The following OSBPL8 variants were observed in gnomAD, a reference collection of about 807,000 sequenced individuals.
OSBPL8 encodes the protein oxysterol binding protein like 8.
In OSBPL8, 59 loss-of-function variants were observed where a neutral mutation model predicts 125.5. The observed-to-expected ratio is 0.47, with a 90% CI of 0.38 to 0.58. The LOEUF (loss-of-function observed/expected upper bound fraction) is 0.58, where lower values mean the gene tolerates loss of function less well. Among genes scored for constraint, OSBPL8 ranks in the 20% least tolerant of loss-of-function variants. The pLI, the probability that OSBPL8 is intolerant of heterozygous loss-of-function variation, is 0.00. For synonymous variants in OSBPL8, 330 were observed against 338.9 expected (o/e 0.97, Z 0.29); for missense variants, 758 against 1,047.8 (o/e 0.72, Z 3.82).
At chr12:76,449,042 C>A (rs1298779759) in intron 4 of OSBPL8, among the ~76,000 whole-genome samples, 1 of 151,978 alleles carries the variant, frequency 6.6e-6, no homozygotes, top group East Asian at 1.9e-4. Flanking sequence ...AGAAAATGAT[C>A]ATGTAACTTA....
At chr12:76,408,334 C>T (rs1367192200) in intron 5 of OSBPL8, among the ~76,000 whole-genome samples, 1 of 149,168 alleles carries the variant, frequency 6.7e-6, no homozygotes, top group Non-Finnish European at 1.5e-5. Flanking sequence ...TGGTGGCGGG[C>T]GCCTGTAGTC....
At chr12:76,410,703 GTA>G in intron 4 of OSBPL8, 69 bp from the exon 5 acceptor site, 1 of 1,064,928 alleles carries the variant, frequency 9.4e-7, no homozygotes, top group South Asian at 1.3e-5. Context: ...TCATTTTCAA[GTA>G]TAGACTATAT....
intron 1 of OSBPL8, among the ~76,000 whole-genome samples, chr12:76,535,002 T>A (rs1355199347): frequency 1.3e-5 from 2 of 151,748 alleles, no homozygotes; most frequent in African/African-American, 4.8e-5. Context: ...TCAAAATGAA[T>A]CACAAATCTA....
chr12:76,368,585 C>A (rs1020791280), intron 21 of OSBPL8, among the ~76,000 whole-genome samples: 3 of 152,072 alleles, frequency 2.0e-5, no homozygotes, highest in African/African-American at 7.2e-5. Context: ...TCACTTCATT[C>A]ATTTTTCTTT....
At chr12:76,464,492 C>CTA (rs1875150285) in intron 2 of OSBPL8, among the ~76,000 whole-genome samples, 1 of 152,104 alleles carries the variant, frequency 6.6e-6, no homozygotes, top group Non-Finnish European at 1.5e-5. Context: ...TAATTTTAGT[C>CTA]TATAAATCTC....
chr12:76,550,402 A>G lies in OSBPL8; in HGVS notation c.-68+8995T>C, dbSNP rs1427345308. ...ATACTTACACAGTCATGGTATCAAC[A>G]CTATTTATTGGTTTTCATAATTTAG... On this transcript the variant is annotated intron_variant, in intron 1 of 23. Transcript: ENST00000261183. Among the ~76,000 whole-genome samples the G allele has an allele frequency of 3.3e-5, 5 of 152,172 alleles. No individual in the cohort carries two copies. In the East Asian group the frequency reaches 7.7e-4, roughly 23 times the overall value.
rs960067642 is a variant in OSBPL8, at chr12:76,487,452, A to T, written c.42+58T>A. On this transcript the variant is annotated intron_variant, in intron 2 of 23. Coordinates refer to ENST00000261183, the MANE Select transcript of OSBPL8 (RefSeq NM_020841.5). ...TATTTTAAAAACAAAACCCTAGCTT[A>T]CATCAAACACTTCACAGTTACAGAT... 14 of 1,424,638 alleles carry T rather than the reference A, an allele frequency of 9.8e-6. No homozygotes were observed. The African/African-American group carries it at 1.3e-4, about 14-fold the overall frequency. The allele number at this position is 1,424,638 out of a possible 1,614,324, so 88.2% of individuals were successfully genotyped here.
chr12:76,358,713 T>G lies in OSBPL8; in HGVS notation c.2427A>C (p.Gly809=). 6.2e-7 allele frequency: 1 copy of G among 1,608,268 alleles called. No individual in the cohort carries two copies. ...TGCAATAAATATTTTTACCTTCACT[T>G]CCAGAGGAGTCTTGAATGTCAGGTT... The part of the protein sequence containing the change: ...SPEPDIQDSS[G]SEAQSVKPST... Residue 809 remains glycine, a synonymous_variant, in exon 22 of 24, where the codon GGA becomes GGC. Coordinates refer to ENST00000261183, the MANE Select transcript of OSBPL8 (RefSeq NM_020841.5).
chr12:76,503,400 G>A (rs893721982), intron 1 of OSBPL8, among the ~76,000 whole-genome samples: 5 of 152,206 alleles, frequency 3.3e-5, no homozygotes, highest in African/African-American at 7.2e-5. Context: ...TACTGAATTC[G>A]GGTCCACCCT....
chr12:76,444,543 G>A (rs996184285), intron 4 of OSBPL8, among the ~76,000 whole-genome samples: 1 of 152,224 alleles, frequency 6.6e-6, no homozygotes. Flanking sequence ...GGGAAACAGT[G>A]AAGAAAGCTA....
intron 1 of OSBPL8, among the ~76,000 whole-genome samples, chr12:76,502,595 G>A (rs1290027250): frequency 1.3e-5 from 2 of 152,146 alleles, no homozygotes; most frequent in Admixed American, 6.5e-5. Context: ...GATACGATGG[G>A]ATAATATGAT....
intron 1 of OSBPL8, chr12:76,537,066 AATT>A (rs1326311907): frequency 2.0e-5 from 3 of 152,374 alleles, no homozygotes; most frequent in Non-Finnish European, 4.4e-5. Flanking sequence ...AAAAAATTAT[AATT>A]ATTAAAATAT....
chr12:76,495,326 T>C (rs1007121636), intron 1 of OSBPL8, among the ~76,000 whole-genome samples: 3 of 152,166 alleles, frequency 2.0e-5, no homozygotes, highest in African/African-American at 7.2e-5. Flanking sequence ...CAGTAAACAA[T>C]ATAATAGCGC....
At chr12:76,393,623 A>G (rs1388877192) in intron 9 of OSBPL8, among the ~76,000 whole-genome samples, 1 of 139,560 alleles carries the variant, frequency 7.2e-6, no homozygotes, top group Non-Finnish European at 1.5e-5. Flanking sequence ...AGGCAGGAGA[A>G]TGGCGTGAAC....
At chr12:76,553,135 A>G (rs1207751096) in intron 1 of OSBPL8, among the ~76,000 whole-genome samples, 3 of 152,132 alleles carry the variant, frequency 2.0e-5, no homozygotes, top group African/African-American at 7.2e-5. Flanking sequence ...TAATAATGTT[A>G]CTTAGATTGA....
At chr12:76,502,793 A>T (rs1880034920) in intron 1 of OSBPL8, among the ~76,000 whole-genome samples, 1 of 152,190 alleles carries the variant, frequency 6.6e-6, no homozygotes, top group Non-Finnish European at 1.5e-5. Context: ...GGATAGTGGA[A>T]GAAGGTAGTT....
chr12:76,405,530 C>G (rs920326297), intron 5 of OSBPL8, among the ~76,000 whole-genome samples: 5 of 152,134 alleles, frequency 3.3e-5, no homozygotes, highest in Admixed American at 1.3e-4. Flanking sequence ...TAAAAGATTA[C>G]TGTACATAGG....
At chr12:76,465,870 G>A (rs937788637) in intron 2 of OSBPL8, among the ~76,000 whole-genome samples, 1 of 151,960 alleles carries the variant, frequency 6.6e-6, no homozygotes, top group African/African-American at 2.4e-5. Context: ...GCTGGGTGTG[G>A]TGGTACACGC....
intron 1 of OSBPL8, among the ~76,000 whole-genome samples, chr12:76,489,723 C>T (rs368608426): frequency 1.6e-4 from 25 of 152,330 alleles, no homozygotes; most frequent in East Asian, 5.8e-4. Context: ...TCATCTCTAA[C>T]GCAACATCTA....
Sources: allele counts gnomAD v4.1 joint callset (sites outside exome capture counted in the v4.1 genomes callset), GRCh38; gene constraint gnomAD v4.1.1; transcripts MANE v1.5; gene names NCBI Gene and HGNC (gene_info 2026-07-23, HGNC 2026-07-21).